PARM1: variants seen among roughly 807,000 people sequenced by gnomAD.
PARM1 encodes WSC4, cell wall integrity and stress response component 4 homolog.
PARM1 carries 14 observed loss-of-function variants against 24.6 expected under a neutral mutation model. The observed-to-expected ratio is 0.57, with a 90% CI of 0.38 to 0.89. The LOEUF is 0.89. Ranked by LOEUF, PARM1 falls within the 40% of genes least tolerant of loss-of-function variation. The pLI is 0.00. For synonymous variants in PARM1, 179 were observed against 156.6 expected (o/e 1.14, Z -1.07); for missense variants, 362 against 380.4 (o/e 0.95, Z 0.40).
intron 1 of PARM1, among the ~76,000 whole-genome samples, chr4:74,978,556 A>T (rs1722182293): frequency 6.6e-6 from 1 of 152,172 alleles, no homozygotes; most frequent in Non-Finnish European, 1.5e-5. Flanking sequence ...GATCATCAAG[A>T]TAGAAAATTA....
At chr4:75,025,582 C>T (rs1426826881) in intron 2 of PARM1, among the ~76,000 whole-genome samples, 2 of 152,056 alleles carry the variant, frequency 1.3e-5, no homozygotes, top group Non-Finnish European at 2.9e-5. Context: ...AGAACTGTGC[C>T]GTCATGTGTG....
At chr4:75,019,865 C>T (rs1334029222) in intron 2 of PARM1, among the ~76,000 whole-genome samples, 24 of 149,886 alleles carry the variant, frequency 1.6e-4, no homozygotes, top group Non-Finnish European at 1.8e-4. Flanking sequence ...TAGCCGGGCG[C>T]GGTGGCGGGC....
intron 1 of PARM1, among the ~76,000 whole-genome samples, chr4:74,972,191 G>A (rs1722051709): frequency 1.3e-5 from 2 of 152,210 alleles, no homozygotes; most frequent in Non-Finnish European, 2.9e-5. Context: ...GAAGGAGCAT[G>A]AGCTGAAAAC....
chr4:75,045,341 T>C (rs374146865), intron 3 of PARM1, among the ~76,000 whole-genome samples: 43 of 152,358 alleles, frequency 2.8e-4, no homozygotes, highest in African/African-American at 9.9e-4. Context: ...TTTTAATGAT[T>C]TGGCTTTTAC....
intron 2 of PARM1, among the ~76,000 whole-genome samples, chr4:75,022,318 G>A (rs539495218): frequency 1.3e-4 from 20 of 152,256 alleles, no homozygotes; most frequent in African/African-American, 4.3e-4. Context: ...CCAGCTGTCA[G>A]ATTTTATTTT....
intron 1 of PARM1, among the ~76,000 whole-genome samples, chr4:74,962,227 C>T (rs368406797): frequency 1.3e-5 from 2 of 151,840 alleles, no homozygotes; most frequent in African/African-American, 4.8e-5. Context: ...TGTATAAATT[C>T]AAATTAGAAT....
rs1289855334 is a variant in PARM1 at position 75,047,573 on chromosome 4, C to T, written c.*1326C>T. 4 of 152,244 alleles carry T rather than the reference C, an allele frequency of 2.6e-5. No individual in the cohort carries two copies. The highest frequency in any genetic ancestry group is 9.6e-5 in the African/African-American group (4 of 41,462). The allele number at this position is 152,244 out of a possible 1,614,324, so 9.4% of individuals were successfully genotyped here. On this transcript the variant is annotated 3_prime_UTR_variant, in exon 4 of 4. Coordinates refer to ENST00000307428, the MANE Select transcript of PARM1 (RefSeq NM_015393.4). ...TTCAAAAATGTCTGGTGACAGTTTT[C>T]ATTGTCATGACTTGGGGGTGCTACT...
intron 1 of PARM1, among the ~76,000 whole-genome samples, chr4:74,985,177 G>A (rs1274522582): frequency 2.0e-5 from 3 of 152,176 alleles, no homozygotes; most frequent in African/African-American, 4.8e-5. Flanking sequence ...GCAGCTATGC[G>A]GGCAGTTGTG....
chr4:75,042,957 A>G (rs1221500564), intron 3 of PARM1, among the ~76,000 whole-genome samples: 1 of 152,068 alleles, frequency 6.6e-6, no homozygotes, highest in Non-Finnish European at 1.5e-5. Flanking sequence ...GAAAAAAAAA[A>G]AAACAAAGTA....
At chr4:74,995,817 A>G (rs1387181157) in intron 1 of PARM1, among the ~76,000 whole-genome samples, 1 of 152,108 alleles carries the variant, frequency 6.6e-6, no homozygotes. Flanking sequence ...TGCCCTCACC[A>G]GAGCGATCTT....
intron 2 of PARM1, among the ~76,000 whole-genome samples, chr4:75,027,163 C>CTCTTACCT (rs1305520486): frequency 2.6e-5 from 4 of 152,172 alleles, no homozygotes; most frequent in Non-Finnish European, 5.9e-5. Flanking sequence ...CTACTCACCT[C>CTCTTACCT]TCTTACCTCC....
rs765759124 is a variant in PARM1, at chr4:75,012,554, A to G, written c.173A>G (p.Asn58Ser). 3.0e-5 allele frequency: 48 copies of G among 1,613,746 alleles called. No individual in the cohort carries two copies. Among genetic ancestry groups the G allele is most frequent in the Non-Finnish European group, 2.4e-5 (28 of 1,179,884 alleles). The change falls in exon 2 of 4, where the codon AAC becomes AGC. Residue 58 changes from asparagine (N) to serine (S), a missense_variant. Physicochemically the swap from Asn to Ser is conservative, Grantham distance 46 (BLOSUM62 1). Transcript: ENST00000307428. Reference sequence around the variant, plus strand: ...GATGCAGACACTGCCTCCCCATCCAACGGCACTCACAACAACTCGGTGCTC... The same window carrying G: ...GATGCAGACACTGCCTCCCCATCCAGCGGCACTCACAACAACTCGGTGCTC... ...NTDADTASPS[N>S]GTHNNSVLPV... is the part of the protein sequence containing the mutation.
chr4:74,992,438 C>A (rs148077329), intron 1 of PARM1, among the ~76,000 whole-genome samples: 224 of 152,160 alleles, frequency 1.5e-3, no homozygotes, highest in African/African-American at 5.2e-3. Flanking sequence ...GAAGACCTAA[C>A]GGCTTACATT....
intron 2 of PARM1, among the ~76,000 whole-genome samples, chr4:75,023,883 A>T (rs1422808243): frequency 6.6e-6 from 1 of 152,166 alleles, no homozygotes; most frequent in Non-Finnish European, 1.5e-5. Context: ...CTGGCATCAA[A>T]GTTGGAAATT....
chr4:75,011,573 T>C (rs1722871543), intron 1 of PARM1, among the ~76,000 whole-genome samples: 1 of 152,116 alleles, frequency 6.6e-6, no homozygotes, highest in Admixed American at 6.6e-5. Flanking sequence ...TAAAAGCCCT[T>C]TATTAAATAA....
chr4:74,941,422 G>T (rs1005195813), intron 1 of PARM1, among the ~76,000 whole-genome samples: 1 of 152,250 alleles, frequency 6.6e-6, no homozygotes, highest in East Asian at 1.9e-4. Flanking sequence ...GAAGCTGGGG[G>T]CATAAAGTTT....
intron 1 of PARM1, among the ~76,000 whole-genome samples, chr4:74,973,332 AT>A (rs573598487): frequency 8.4e-4 from 128 of 152,346 alleles, no homozygotes; most frequent in African/African-American, 2.9e-3. Flanking sequence ...ATATAAAAAA[AT>A]TTCCAACAAA....
At chr4:74,984,986 A>G (rs1316030687) in intron 1 of PARM1, among the ~76,000 whole-genome samples, 2 of 152,236 alleles carry the variant, frequency 1.3e-5, no homozygotes, top group African/African-American at 2.4e-5. Context: ...TCCAAAGGAC[A>G]TGAGTAAGCA....
At chr4:74,956,373 T>C (rs142698650) in intron 1 of PARM1, 17 of 152,288 alleles carry the variant, frequency 1.1e-4, no homozygotes, top group African/African-American at 3.9e-4. Flanking sequence ...GACTCATGTG[T>C]TGGAGAGGGA....
Sources: allele counts gnomAD v4.1 joint callset (sites outside exome capture counted in the v4.1 genomes callset), GRCh38; gene constraint gnomAD v4.1.1; transcripts MANE v1.5; gene names NCBI Gene and HGNC (gene_info 2026-07-23, HGNC 2026-07-21).